The following MED17 variants were observed in gnomAD, a reference collection of about 807,000 sequenced individuals.
The protein encoded by MED17 is mediator of RNA polymerase II transcription subunit 17.
In MED17, 49 loss-of-function variants were observed where a neutral mutation model predicts 80.8. The observed-to-expected ratio is 0.61, with a 90% CI of 0.48 to 0.77. The LOEUF is 0.77. MED17 is among the 30% of genes least tolerant of loss of function. The pLI is 0.00. For missense variants in MED17, 718 were observed against 787.0 expected, an observed-to-expected ratio of 0.91 and a Z score of 1.05; for synonymous variants, 281 against 280.4, an observed-to-expected ratio of 1.00 and a Z score of -0.02.
Position 93,795,022 on chromosome 11 carries a change from T to G in MED17, c.974T>G (p.Ile325Ser). The G allele has an allele frequency of 6.2e-7, 1 of 1,614,180 alleles. No individual in the cohort carries two copies. Among genetic ancestry groups the G allele is most frequent in the Non-Finnish European group, 8.5e-7 (1 of 1,180,016 alleles). The change falls in exon 6 of 12, where the codon ATT becomes AGT. Residue 325 changes from isoleucine to serine, a missense_variant. Coordinates refer to ENST00000251871, the MANE Select transcript of MED17 (RefSeq NM_004268.5). ...CAAATTAAATCACAAGTCCCTCACA[T>G]TGTGGTGAAAAACCAGATTATCTCT... Reference protein sequence around the residue: ...AVQIKSQVPHIVVKNQIISQP... With the variant: ...AVQIKSQVPHSVVKNQIISQP...
At chr11:93,798,828 A>G (rs1056976528) in intron 8 of MED17, among the ~76,000 whole-genome samples, 7 of 152,222 alleles carry the variant, frequency 4.6e-5, no homozygotes, top group Admixed American at 3.9e-4. Flanking sequence ...TACCATTAAT[A>G]CAGTTCAACT....
At chr11:93,793,350 C>T in intron 3 of MED17, 1 of 227,216 alleles carries the variant, frequency 4.4e-6, no homozygotes, top group Non-Finnish European at 8.7e-6. Flanking sequence ...CTCCTGACCT[C>T]AGGTGATCCA....
intron 6 of MED17, chr11:93,795,593 C>G (rs895699499): frequency 2.0e-5 from 3 of 153,326 alleles, no homozygotes; most frequent in African/African-American, 7.3e-5. Flanking sequence ...TCGTAATAGT[C>G]TCAAATTTAT....
In MED17 at chr11:93,797,714, G is replaced by T. The variant is rs1943919572; in HGVS notation, c.1323G>T (p.Arg441Ser). The change falls in exon 8 of 12, where the codon AGG (arginine) becomes AGT (serine). Residue 441 changes from arginine (R) to serine (S), a missense_variant. Arg to Ser is a moderately radical substitution (Grantham distance 110). Coordinates refer to ENST00000251871, the MANE Select transcript of MED17 (RefSeq NM_004268.5). The stretch of plus-strand genomic sequence containing the variant: ...AACAAGCAAAGCATATTTTTCTAAG[G>T]AGTAGGTAAGGTTGAAGAAAGTTAC... ...IIKQAKHIFL[R>S]SRAAATIDSL... is the part of the protein sequence containing the mutation. The T allele has an allele frequency of 6.2e-7, 1 of 1,611,930 alleles. No individual in the cohort carries two copies. The highest frequency in any genetic ancestry group is 1.7e-5 in the Admixed American group (1 of 59,974).
intron 5 of MED17, 79 bp downstream of exon 5, chr11:93,794,114 A>C: frequency 9.4e-7 from 1 of 1,060,764 alleles, no homozygotes; most frequent in Non-Finnish European, 1.3e-6. Context: ...AAATATAGGT[A>C]GGAAAAAATA....
intron 10 of MED17, chr11:93,809,448 CT>C: frequency 2.0e-6 from 1 of 494,988 alleles, no homozygotes; most frequent in Non-Finnish European, 3.7e-6. Flanking sequence ...AGATGAGAGT[CT>C]TCAGTTGGCC....
chr11:93,784,794 C>T (rs371174201), intron 1 of MED17, 31 bp downstream of exon 1: 5 of 1,533,760 alleles, frequency 3.3e-6, no homozygotes, highest in South Asian at 1.2e-5. Context: ...CCGAGTCCCC[C>T]GGTCTGGGTC....
At chr11:93,803,164 G>A (rs1393244022) in intron 9 of MED17, among the ~76,000 whole-genome samples, 1 of 151,914 alleles carries the variant, frequency 6.6e-6, no homozygotes, top group Non-Finnish European at 1.5e-5. Flanking sequence ...TTCAGCAGAC[G>A]TAACTAGCCA....
chr11:93,804,413 A>T (rs189781974), intron 9 of MED17, among the ~76,000 whole-genome samples: 114 of 152,224 alleles, frequency 7.5e-4, no homozygotes, highest in African/African-American at 2.7e-3. Context: ...GTATCCTTCA[A>T]TCCAATCAAG....
At chr11:93,798,886 TTGAC>T (rs1943933114) in intron 8 of MED17, among the ~76,000 whole-genome samples, 1 of 152,204 alleles carries the variant, frequency 6.6e-6, no homozygotes, top group African/African-American at 2.4e-5. Context: ...AAATTTCTGA[TTGAC>T]CATAAATTTA....
chr11:93,807,900 A>G (rs1028274893), intron 10 of MED17: 11 of 470,136 alleles, frequency 2.3e-5, no homozygotes, highest in African/African-American at 5.9e-5. Flanking sequence ...TTTTTCCCAC[A>G]TGTCATATTT....
At chr11:93,802,030 C>T in intron 9 of MED17, 58 bp downstream of exon 9, 2 of 1,484,474 alleles carry the variant, frequency 1.3e-6, no homozygotes, top group Non-Finnish European at 1.9e-6. Flanking sequence ...TTGATGTTTG[C>T]TGAGTAATTA....
At chr11:93,792,246 G>A (rs1219493845) in intron 3 of MED17, among the ~76,000 whole-genome samples, 1 of 152,134 alleles carries the variant, frequency 6.6e-6, no homozygotes, top group Non-Finnish European at 1.5e-5. Context: ...TTAAAAAAAG[G>A]TTAAGGTGGT....
chr11:93,796,436 C>T lies in MED17; in HGVS notation c.1039C>T (p.His347Tyr). Residue 347 changes from histidine (H) to tyrosine (Y), a missense_variant, in exon 7 of 12, where the codon CAT becomes TAT. Coordinates refer to ENST00000251871, the MANE Select transcript of MED17 (RefSeq NM_004268.5). ...PSLQLSISLC[H>Y]SSNDKKSQKF... Reference sequence around the variant, plus strand: ...CTTGCAGTTATCTATTTCTTTGTGCCATTCCTCAAATGATAAGAAATCCCA... The same window carrying T: ...CTTGCAGTTATCTATTTCTTTGTGCTATTCCTCAAATGATAAGAAATCCCA... The T allele has an allele frequency of 6.2e-7, 1 of 1,612,838 alleles. No homozygotes were observed. Among genetic ancestry groups the T allele is most frequent in the South Asian group, 1.1e-5 (1 of 91,042 alleles).
chr11:93,795,111 G>A (rs747114452), intron 6 of MED17, 51 bp downstream of exon 6: 18 of 1,589,756 alleles, frequency 1.1e-5, no homozygotes, highest in Non-Finnish European at 1.6e-5. Context: ...TGTTTTGGGG[G>A]ACTAGGACAG....
intron 2 of MED17, chr11:93,789,670 A>G (rs556369147): frequency 6.6e-6 from 1 of 152,278 alleles, no homozygotes; most frequent in Admixed American, 6.5e-5. Flanking sequence ...TCAGTGAAGT[A>G]CATTTAATAT....
intron 9 of MED17, among the ~76,000 whole-genome samples, chr11:93,803,240 AT>A (rs1943981662): frequency 6.6e-6 from 1 of 152,222 alleles, no homozygotes; most frequent in Non-Finnish European, 1.5e-5. Flanking sequence ...AGAAAAATAC[AT>A]TTATAATGCT....
Position 93,788,086 on chromosome 11 carries a change from C to T in MED17, c.336C>T (p.Leu112=), listed in dbSNP as rs749932969. 6.2e-7 allele frequency: 1 copy of T among 1,613,576 alleles called. No individual in the cohort carries two copies. Among genetic ancestry groups the T allele is most frequent in the South Asian group, 1.1e-5 (1 of 91,058 alleles). The change falls in exon 2 of 12, where the codon CTC becomes CTT. Residue 112 remains leucine, a synonymous_variant. Transcript: ENST00000251871. ...LRSALTEMCV[L]YDVLSIVRDK... ...GTGCCCTGACAGAGATGTGTGTTCT[C>T]TATGATGTTCTCAGTATTGTTAGGG...
At position 93,784,450 on chromosome 11, in the gene MED17, T is replaced by C. The variant is rs1943745391; in HGVS notation, c.-64T>C. 9 of 1,543,072 alleles carry C rather than the reference T, an allele frequency of 5.8e-6. No homozygotes were observed. The highest frequency in any genetic ancestry group is 1.9e-5 in the Admixed American group (1 of 53,584). ...GTTCCCGGCTCTCCGCAGGGAAGCCTCCTCTTCGTACCTCGTTTTTTGGCT... is the reference window on the plus strand; with the variant it reads ...GTTCCCGGCTCTCCGCAGGGAAGCCCCCTCTTCGTACCTCGTTTTTTGGCT... On this transcript the variant is annotated 5_prime_UTR_variant, in exon 1 of 12. Coordinates refer to ENST00000251871, the MANE Select transcript of MED17 (RefSeq NM_004268.5).
Sources: gnomAD v4.1 joint callset for allele counts (sites outside exome capture counted in the v4.1 genomes callset) on GRCh38, gnomAD v4.1.1 for gene constraint, MANE v1.5 for transcripts, NCBI Gene and HGNC (gene_info 2026-07-23, HGNC 2026-07-21) for gene names.